Variants in ATE1 observed in about 807,000 individuals in gnomAD.
The protein encoded by ATE1 is arginyltransferase 1.
In ATE1, 36 loss-of-function variants were observed where a neutral mutation model predicts 70.5. The observed-to-expected ratio is 0.51, with a 90% confidence interval of 0.39 to 0.67. The LOEUF is 0.67. ATE1 is among the 30% of genes least tolerant of loss of function. The probability of loss-of-function intolerance (pLI) is 0.00; values close to 1 mark genes in which losing one functional copy is unlikely to be tolerated. For synonymous variants in ATE1, 232 were observed against 219.3 expected (o/e 1.06, Z -0.51); for missense variants, 593 against 629.5 (o/e 0.94, Z 0.62).
At chr10:121,849,820 C>T (rs562151750) in intron 8 of ATE1, among the ~76,000 whole-genome samples, 72 of 151,714 alleles carry the variant, frequency 4.7e-4, no homozygotes, top group Non-Finnish European at 8.7e-4. Flanking sequence ...GCAGCTGGAG[C>T]AGCCAGAACC....
chr10:121,875,552 G>A (rs1337950276), intron 7 of ATE1, among the ~76,000 whole-genome samples: 2 of 152,046 alleles, frequency 1.3e-5, no homozygotes, highest in Non-Finnish European at 2.9e-5. Flanking sequence ...TGATCTGCCC[G>A]CCTCGGCCTC....
At chr10:121,846,569 C>T (rs149864264) in intron 8 of ATE1, 66 of 152,308 alleles carry the variant, frequency 4.3e-4, no homozygotes, top group African/African-American at 1.6e-3. Context: ...ATTTCTCAAA[C>T]TTCCATTGGT....
At chr10:121,831,155 T>C (rs971278419) in intron 10 of ATE1, among the ~76,000 whole-genome samples, 2 of 152,170 alleles carry the variant, frequency 1.3e-5, no homozygotes, top group Non-Finnish European at 2.9e-5. Flanking sequence ...ATTACAAATA[T>C]CTTTAGCCTA....
chr10:121,838,082 T>A lies in ATE1; in HGVS notation c.1158-1265A>T, dbSNP rs1004486219. Among the ~76,000 whole-genome samples the A allele has an allele frequency of 2.0e-5, 3 of 152,118 alleles. No homozygotes were observed. The South Asian group carries it at 6.2e-4, about 32-fold the overall frequency. On this transcript the variant is annotated intron_variant, in intron 9 of 11. Transcript: ENST00000224652. ...CTTCTTACCACCTCCACCTCAGATATTCTGGGTCAAGCAGCATTATGGTGC... is the reference window on the plus strand; with the variant it reads ...CTTCTTACCACCTCCACCTCAGATAATCTGGGTCAAGCAGCATTATGGTGC...
At chr10:121,807,481 A>G (rs1362768929) in intron 10 of ATE1, among the ~76,000 whole-genome samples, 1 of 152,166 alleles carries the variant, frequency 6.6e-6, no homozygotes, top group Non-Finnish European at 1.5e-5. Flanking sequence ...TGTTCTAGAG[A>G]CACCAGGGCA....
intron 8 of ATE1, 147 bp from the exon 9 acceptor site, chr10:121,841,410 G>A: frequency 2.0e-6 from 1 of 493,154 alleles, no homozygotes; most frequent in Non-Finnish European, 3.2e-6. Context: ...CCTATATTAA[G>A]CTGCAAAACT....
intron 10 of ATE1, among the ~76,000 whole-genome samples, chr10:121,828,746 A>G (rs1948121342): frequency 6.6e-6 from 1 of 152,120 alleles, no homozygotes; most frequent in African/African-American, 2.4e-5. Context: ...CTACCAAAAC[A>G]TGGGGCTCAC....
chr10:121,842,223 A>T (rs553025662), intron 8 of ATE1, among the ~76,000 whole-genome samples: 46 of 152,366 alleles, frequency 3.0e-4, no homozygotes, highest in Admixed American at 3.0e-3. Flanking sequence ...ATTTCAGAAT[A>T]TAACCATCTT....
rs1564946296 is a variant in ATE1, at chr10:121,902,636, A to G, written c.584-16T>C. The G allele has an allele frequency of 6.4e-7, 1 of 1,573,486 alleles. No individual in the cohort carries two copies. Among genetic ancestry groups the G allele is most frequent in the South Asian group, 1.2e-5 (1 of 86,492 alleles). On this transcript the variant is annotated splice_polypyrimidine_tract_variant and intron_variant, in intron 5 of 11. Transcript: ENST00000224652. ...GCCCCTTTGCCTAAAAAGAATTTTA[A>G]AATATTAGACCAATCACATTTGGTT...
chr10:121,800,027 A>G (rs2133365606), intron 10 of ATE1, among the ~76,000 whole-genome samples: 1 of 152,300 alleles, frequency 6.6e-6, no homozygotes, highest in East Asian at 1.9e-4. Flanking sequence ...GAAATATGTG[A>G]TTTTAATTTT....
intron 10 of ATE1, among the ~76,000 whole-genome samples, chr10:121,814,405 G>A (rs781352101): frequency 6.6e-6 from 1 of 152,212 alleles, no homozygotes; most frequent in Non-Finnish European, 1.5e-5. Context: ...TCATCCTTGA[G>A]CAGTACTATG....
chr10:121,751,133 C>T (rs929308316), intron 11 of ATE1, among the ~76,000 whole-genome samples: 2 of 152,166 alleles, frequency 1.3e-5, no homozygotes, highest in African/African-American at 4.8e-5. Context: ...TTTGGGACTC[C>T]AGCTGAGAGA....
intron 10 of ATE1, among the ~76,000 whole-genome samples, chr10:121,814,577 G>C (rs1241857978): frequency 1.3e-5 from 2 of 152,128 alleles, no homozygotes; most frequent in Non-Finnish European, 2.9e-5. Flanking sequence ...TGGACAATAT[G>C]GCATCTGAAA....
chr10:121,910,763 G>C, intron 5 of ATE1, 143 bp downstream of exon 5: 1 of 1,070,838 alleles, frequency 9.3e-7, no homozygotes, highest in Non-Finnish European at 1.4e-6. Context: ...TCTAATTCTA[G>C]GCAATAATAA....
rs563023616 is a variant in ATE1 at position 121,905,613 on chromosome 10, G to A, written c.584-2993C>T. ...TCCCAGCACTTTGGAAGGCCGAGAC[G>A]GGCGGATCACCTGAGGTCAGGAGTT... On this transcript the variant is annotated intron_variant, in intron 5 of 11. Transcript: ENST00000224652. Among the ~76,000 whole-genome samples the A allele has an allele frequency of 1.6e-4, 25 of 152,050 alleles. No homozygotes were observed. In the South Asian group the frequency reaches 2.1e-3, roughly 13 times the overall value.
intron 3 of ATE1, among the ~76,000 whole-genome samples, chr10:121,918,392 T>G (rs11200258): frequency 2.9e-4 from 44 of 151,934 alleles, no homozygotes; most frequent in African/African-American, 1.0e-3. Context: ...TCAGGAAACA[T>G]TTGATGCCAC....
At chr10:121,926,346 G>A (rs1952088346) in intron 1 of ATE1, among the ~76,000 whole-genome samples, 1 of 152,102 alleles carries the variant, frequency 6.6e-6, no homozygotes, top group Non-Finnish European at 1.5e-5. Context: ...CCGACACCTG[G>A]CAGGCACTCA....
chr10:121,789,748 T>C (rs1427737626), intron 11 of ATE1, among the ~76,000 whole-genome samples: 2 of 152,152 alleles, frequency 1.3e-5, no homozygotes, highest in Non-Finnish European at 1.5e-5. Flanking sequence ...CAAAATCCAT[T>C]ACAGTCTGTT....
At chr10:121,845,230 A>T (rs750031757) in intron 8 of ATE1, among the ~76,000 whole-genome samples, 79 of 152,216 alleles carry the variant, frequency 5.2e-4, no homozygotes, top group Non-Finnish European at 6.3e-4. Flanking sequence ...CTACAGTGAC[A>T]GTAAAAAGAT....
Sources: gnomAD v4.1 joint callset for allele counts (sites outside exome capture counted in the v4.1 genomes callset) on GRCh38, gnomAD v4.1.1 for gene constraint, MANE v1.5 for transcripts, NCBI Gene and HGNC (gene_info 2026-07-23, HGNC 2026-07-21) for gene names.